The following MCTP2 variants were observed in gnomAD, a reference collection of about 807,000 sequenced individuals.
MCTP2 encodes multiple C2 and transmembrane domain-containing protein 2.
MCTP2 carries 132 observed loss-of-function variants against 111.6 expected under a neutral mutation model. That is an observed-to-expected ratio of 1.18 (90% CI 1.03 to 1.37). The LOEUF (loss-of-function observed/expected upper bound fraction) is 1.37, where lower values mean the gene tolerates loss of function less well. MCTP2 is among the 40% of genes most tolerant of loss of function. MCTP2 has a pLI of 0.00. For synonymous variants in MCTP2, 395 were observed against 387.7 expected (o/e 1.02, Z -0.22); for missense variants, 1,183 against 1,067.9 (o/e 1.11, Z -1.50).
At chr15:94,459,904 AG>A (rs1231492293) in intron 20 of MCTP2, among the ~76,000 whole-genome samples, 2 of 152,228 alleles carry the variant, frequency 1.3e-5, no homozygotes, top group Admixed American at 6.5e-5. Flanking sequence ...TTAAAGGAAT[AG>A]GATTACATCA....
At chr15:94,305,157 G>T (rs1182030607) in intron 2 of MCTP2, among the ~76,000 whole-genome samples, 1 of 152,156 alleles carries the variant, frequency 6.6e-6, no homozygotes, top group African/African-American at 2.4e-5. Flanking sequence ...GATAAGTGAG[G>T]TCAGAAGCAT....
intron 1 of MCTP2, among the ~76,000 whole-genome samples, chr15:94,255,023 G>C (rs1418463470): frequency 6.6e-6 from 1 of 152,182 alleles, no homozygotes; most frequent in African/African-American, 2.4e-5. Flanking sequence ...GCAAAGCTGG[G>C]ATTTATGGAG....
At chr15:94,244,488 G>A (rs886597526) in intron 1 of MCTP2, among the ~76,000 whole-genome samples, 42 of 142,586 alleles carry the variant, frequency 2.9e-4, no homozygotes, top group African/African-American at 9.8e-4. Context: ...GTTTATATAC[G>A]TATATGTATA....
intron 1 of MCTP2, among the ~76,000 whole-genome samples, chr15:94,282,653 C>T (rs936913805): frequency 4.6e-5 from 7 of 152,236 alleles, no homozygotes; most frequent in Non-Finnish European, 8.8e-5. Context: ...CTAGTTCTTT[C>T]TCATCTGTAT....
At chr15:94,413,567 TGA>T (rs1329262038) in intron 17 of MCTP2, among the ~76,000 whole-genome samples, 1 of 77,352 alleles carries the variant, frequency 1.3e-5, no homozygotes, top group East Asian at 4.9e-4. Context: ...GGCATGACGC[TGA>T]GTGTGTGTGT....
At chr15:94,398,235 T>C (rs965921172) in intron 14 of MCTP2, among the ~76,000 whole-genome samples, 5 of 152,170 alleles carry the variant, frequency 3.3e-5, no homozygotes, top group Non-Finnish European at 5.9e-5. Context: ...AGCTGATTTA[T>C]TTACTTAATT....
At chr15:94,421,035 T>C (rs1014391690) in intron 17 of MCTP2, among the ~76,000 whole-genome samples, 11 of 151,626 alleles carry the variant, frequency 7.3e-5, no homozygotes, top group African/African-American at 1.5e-4. Flanking sequence ...CCATCAACAT[T>C]GAGGCAAAAC....
chr15:94,363,123 G>A (rs2079022691), intron 10 of MCTP2, among the ~76,000 whole-genome samples: 2 of 152,276 alleles, frequency 1.3e-5, no homozygotes, highest in African/African-American at 4.8e-5. Context: ...ATAATTTGGA[G>A]TTTTTGACTT....
chr15:94,434,953 C>T (rs2083390607), intron 17 of MCTP2, among the ~76,000 whole-genome samples: 1 of 151,492 alleles, frequency 6.6e-6, no homozygotes, highest in Non-Finnish European at 1.5e-5. Flanking sequence ...AACCTCCGCT[C>T]CTCGGGTTCA....
At chr15:94,388,104 C>T (rs1048558939) in intron 14 of MCTP2, among the ~76,000 whole-genome samples, 14 of 152,096 alleles carry the variant, frequency 9.2e-5, no homozygotes, top group Non-Finnish European at 1.9e-4. Flanking sequence ...GCATTTTCAT[C>T]GTGGGGGATG....
chr15:94,399,334 A>G (rs1485927596), intron 15 of MCTP2, among the ~76,000 whole-genome samples: 1 of 152,200 alleles, frequency 6.6e-6, no homozygotes, highest in Non-Finnish European at 1.5e-5. Context: ...TATTTCGGTT[A>G]AGGAATTTTA....
chr15:94,383,827 G>A (rs2080296461), intron 12 of MCTP2, among the ~76,000 whole-genome samples, 195 bp from the exon 13 acceptor site: 1 of 152,186 alleles, frequency 6.6e-6, no homozygotes, highest in African/African-American at 2.4e-5. Context: ...AACCCGTTGA[G>A]TATTGCTAAA....
chr15:94,435,169 T>C (rs555727897), intron 17 of MCTP2, among the ~76,000 whole-genome samples: 1 of 152,216 alleles, frequency 6.6e-6, no homozygotes, highest in South Asian at 2.1e-4. Context: ...CCAGCCTGCA[T>C]TTTCATATAG....
chr15:94,373,770 T>C (rs1009540960), intron 12 of MCTP2, among the ~76,000 whole-genome samples: 2 of 152,366 alleles, frequency 1.3e-5, no homozygotes, highest in African/African-American at 4.8e-5. Context: ...GAAAAGCCTG[T>C]CAAATGTTTT....
intron 1 of MCTP2, among the ~76,000 whole-genome samples, chr15:94,257,251 C>G (rs1316107557): frequency 3.3e-5 from 5 of 152,082 alleles, no homozygotes; most frequent in African/African-American, 1.2e-4. Flanking sequence ...TGGCTTCATC[C>G]CTCTTCAAAC....
intron 8 of MCTP2, among the ~76,000 whole-genome samples, chr15:94,349,477 A>G (rs2078178908): frequency 6.6e-6 from 1 of 152,124 alleles, no homozygotes; most frequent in Admixed American, 6.5e-5. Flanking sequence ...GAGGTATTCA[A>G]AGGGTGCAGT....
intron 14 of MCTP2, among the ~76,000 whole-genome samples, chr15:94,387,359 G>A (rs190794202): frequency 2.0e-5 from 3 of 151,876 alleles, no homozygotes; most frequent in Non-Finnish European, 4.4e-5. Flanking sequence ...CATCCCTGCT[G>A]TGACAGCCAA....
rs34320227 is a variant in MCTP2 at position 94,458,307 on chromosome 15, G to A, written c.2360+61G>A. On this transcript the variant is annotated intron_variant, in intron 20 of 22. Coordinates refer to ENST00000357742, the MANE Select transcript of MCTP2 (RefSeq NM_001385001.1). ...GACCTGCTATCCACAAGGACAGTGG[G>A]GTAATGGCAGTGGTGTGCGACAAAG... The A allele has an allele frequency of 3.2e-3, 3,175 of 984,006 alleles. 12 individuals carry two copies. Among genetic ancestry groups the A allele is most frequent in the Non-Finnish European group, 3.7e-3 (2,249 of 609,254 alleles). 61.0% of individuals were successfully genotyped at this position (984,006 alleles called of 1,614,324 possible). A position where few individuals can be genotyped will look rare whatever the true frequency, so the allele number is the denominator to read the frequency against.
chr15:94,280,028 C>T (rs2074399399), intron 1 of MCTP2, among the ~76,000 whole-genome samples: 2 of 151,952 alleles, frequency 1.3e-5, no homozygotes, highest in South Asian at 4.1e-4. Flanking sequence ...AATTTTTACA[C>T]CCGTGTTCTT....
Sources: allele counts gnomAD v4.1 joint callset (sites outside exome capture counted in the v4.1 genomes callset), GRCh38; gene constraint gnomAD v4.1.1; transcripts MANE v1.5; gene names NCBI Gene and HGNC (gene_info 2026-07-23, HGNC 2026-07-21).